PUS10: variants seen among roughly 807,000 people sequenced by gnomAD.
The protein encoded by PUS10 is pseudouridine synthase 10, also known as tRNA pseudouridine synthase Pus10.
In PUS10, 59 loss-of-function variants were observed where a neutral mutation model predicts 75.0. That is an observed-to-expected ratio of 0.79 (90% CI 0.64 to 0.98). The LOEUF is 0.98. Among genes scored for constraint, PUS10 ranks in the 50% least tolerant of loss-of-function variants. The pLI is 0.00. For synonymous variants in PUS10, 219 were observed against 211.6 expected, an observed-to-expected ratio of 1.03 and a Z score of -0.30; for missense variants, 650 against 614.4, an observed-to-expected ratio of 1.06 and a Z score of -0.61.
intron 17 of PUS10, among the ~76,000 whole-genome samples, chr2:60,943,493 G>A (rs191773122): frequency 3.4e-5 from 5 of 149,238 alleles, no homozygotes; most frequent in Middle Eastern, 3.5e-3. Flanking sequence ...AAAACCCACC[G>A]TATCTATCTG....
intron 17 of PUS10, among the ~76,000 whole-genome samples, chr2:60,943,851 C>T (rs1442475088): frequency 1.3e-5 from 2 of 151,586 alleles, no homozygotes; most frequent in Non-Finnish European, 2.9e-5. Flanking sequence ...AGTGGGCAGT[C>T]AGTGTTGAGA....
chr2:60,999,530 G>A (rs375617879), intron 4 of PUS10, among the ~76,000 whole-genome samples: 7 of 152,264 alleles, frequency 4.6e-5, no homozygotes, highest in Admixed American at 2.0e-4. Context: ...GAGGCGGGAG[G>A]ATTACTTGAG....
At chr2:60,956,252 G>A (rs1442484725) in intron 11 of PUS10, among the ~76,000 whole-genome samples, 2 of 152,184 alleles carry the variant, frequency 1.3e-5, no homozygotes, top group African/African-American at 2.4e-5. Flanking sequence ...TAGCAATATC[G>A]GTATCTTCTA....
chr2:60,943,627 T>C (rs1432849584), intron 17 of PUS10, among the ~76,000 whole-genome samples: 1 of 152,052 alleles, frequency 6.6e-6, no homozygotes, highest in East Asian at 1.9e-4. Context: ...TAAATAGCTA[T>C]GTGTGTGTGT....
intron 6 of PUS10, chr2:60,966,415 T>C (rs1269709385): frequency 6.6e-6 from 1 of 152,272 alleles, no homozygotes; most frequent in Non-Finnish European, 1.5e-5. Context: ...TTAGCTACTC[T>C]AGAATCACAA....
At chr2:60,995,574 C>T (rs1026597810) in intron 4 of PUS10, among the ~76,000 whole-genome samples, 5 of 152,134 alleles carry the variant, frequency 3.3e-5, no homozygotes, top group African/African-American at 1.2e-4. Context: ...AGAAGTTCCC[C>T]TTTTCAGCAA....
At chr2:61,017,611 G>A in intron 1 of PUS10, 1 of 598,096 alleles carries the variant, frequency 1.7e-6, no homozygotes, top group Non-Finnish European at 3.0e-6. Flanking sequence ...GATTCAGCTG[G>A]CAAAGTAACT....
intron 4 of PUS10, among the ~76,000 whole-genome samples, chr2:60,990,157 C>A (rs549446690): frequency 1.0e-3 from 151 of 151,416 alleles, no homozygotes; most frequent in African/African-American, 3.5e-3. Context: ...CACACGCACG[C>A]ACGGGAAAAA....
At position 60,961,533 on chromosome 2, in the gene PUS10, A is replaced by C. The variant is rs780880152; in HGVS notation, c.804T>G (p.Pro268=). Residue 268 remains proline, a synonymous_variant, in exon 10 of 18, where the codon CCT becomes CCG. Transcript: ENST00000316752. ...EEDFLKQFPC[P]PNSPKAVCAV... ...CGCATACAGCCTTTGGTGAGTTTGG[A>C]GGACAAGGAAACTGCCTGCAAAACA... The C allele has an allele frequency of 6.2e-7, 1 of 1,613,970 alleles. No homozygotes were observed. The highest frequency in any genetic ancestry group is 1.1e-5 in the South Asian group (1 of 91,076).
intron 4 of PUS10, among the ~76,000 whole-genome samples, chr2:61,002,496 G>A (rs187101166): frequency 6.6e-6 from 1 of 152,186 alleles, no homozygotes; most frequent in East Asian, 1.9e-4. Flanking sequence ...GGCTGGAGTG[G>A]GAGCACAGTG....
intron 15 of PUS10, among the ~76,000 whole-genome samples, chr2:60,949,216 A>G (rs2104175928): frequency 6.6e-6 from 1 of 152,226 alleles, no homozygotes; most frequent in Non-Finnish European, 1.5e-5. Flanking sequence ...ATAAGATCTG[A>G]TTTTTCTCTG....
intron 5 of PUS10, among the ~76,000 whole-genome samples, chr2:60,968,708 T>A (rs1008021364): frequency 3.3e-5 from 5 of 152,110 alleles, no homozygotes; most frequent in African/African-American, 1.2e-4. Context: ...AAGAAGTAGT[T>A]GATCTACCCA....
intron 4 of PUS10, among the ~76,000 whole-genome samples, chr2:61,003,522 T>C (rs1219854195): frequency 2.6e-5 from 4 of 151,024 alleles, no homozygotes; most frequent in Non-Finnish European, 4.4e-5. Flanking sequence ...ATAATATAGA[T>C]GCGTTAATGC....
chr2:60,981,013 C>T (rs1677355435), intron 4 of PUS10, among the ~76,000 whole-genome samples: 2 of 152,088 alleles, frequency 1.3e-5, no homozygotes, highest in South Asian at 4.1e-4. Flanking sequence ...GCCTCAGCCT[C>T]CTGAGTAGCT....
At chr2:60,961,316 G>A (rs1020159152) in intron 10 of PUS10, 147 bp downstream of exon 10, 4 of 670,332 alleles carry the variant, frequency 6.0e-6, no homozygotes, top group Non-Finnish European at 1.1e-5. Context: ...CCTAAAATAA[G>A]TTTGGCTATT....
intron 4 of PUS10, among the ~76,000 whole-genome samples, chr2:60,988,041 A>T (rs910611045): frequency 6.6e-6 from 1 of 152,114 alleles, no homozygotes; most frequent in African/African-American, 2.4e-5. Context: ...GTGAGCTGAG[A>T]TCGTACCACT....
intron 4 of PUS10, among the ~76,000 whole-genome samples, chr2:60,998,285 T>A (rs1329866019): frequency 6.6e-6 from 1 of 152,200 alleles, no homozygotes; most frequent in East Asian, 1.9e-4. Context: ...GACAAAGGAA[T>A]TCACTGCTTT....
intron 16 of PUS10, 53 bp downstream of exon 16, chr2:60,947,989 CT>C: frequency 6.2e-7 from 1 of 1,605,188 alleles, no homozygotes; most frequent in Non-Finnish European, 8.5e-7. Context: ...GGACCATGAA[CT>C]TTTCCAATAG....
chr2:60,982,370 C>T (rs1677449545), intron 4 of PUS10, among the ~76,000 whole-genome samples: 1 of 152,152 alleles, frequency 6.6e-6, no homozygotes, highest in Non-Finnish European at 1.5e-5. Flanking sequence ...TCATGCAATG[C>T]TTGTGTCTCA....
Sources: allele counts gnomAD v4.1 joint callset (sites outside exome capture counted in the v4.1 genomes callset), GRCh38; gene constraint gnomAD v4.1.1; transcripts MANE v1.5; gene names NCBI Gene and HGNC (gene_info 2026-07-23, HGNC 2026-07-21).